The following LHFPL6 variants were observed in gnomAD, a reference collection of about 807,000 sequenced individuals.
The protein encoded by LHFPL6 is LHFPL tetraspan subfamily member 6 protein.
Under a neutral mutation model 20.6 loss-of-function variants are expected in LHFPL6, and 9 were observed. That is an observed-to-expected ratio of 0.44 (90% CI 0.26 to 0.76). The LOEUF is 0.76. Ranked by LOEUF, LHFPL6 falls within the 30% of genes least tolerant of loss-of-function variation. LHFPL6 has a pLI of 0.20. For missense variants in LHFPL6, 218 were observed against 253.5 expected, an observed-to-expected ratio of 0.86 and a Z score of 0.95; for synonymous variants, 105 against 98.7, an observed-to-expected ratio of 1.06 and a Z score of -0.38.
intron 2 of LHFPL6, among the ~76,000 whole-genome samples, chr13:39,435,372 C>A (rs906192667): frequency 6.6e-6 from 1 of 152,064 alleles, no homozygotes; most frequent in Non-Finnish European, 1.5e-5. Context: ...AGCTTTCAAG[C>A]AAATATAAGA....
intron 2 of LHFPL6, among the ~76,000 whole-genome samples, chr13:39,528,721 C>T (rs1870369038): frequency 6.6e-6 from 1 of 152,184 alleles, no homozygotes; most frequent in South Asian, 2.1e-4. Flanking sequence ...ACAATTCTTA[C>T]ACTTGTCACC....
intron 2 of LHFPL6, among the ~76,000 whole-genome samples, chr13:39,488,349 A>C (rs964860352): frequency 6.6e-6 from 1 of 152,198 alleles, no homozygotes; most frequent in African/African-American, 2.4e-5. Flanking sequence ...GTTTAGTAAG[A>C]ATTATAAAAG....
chr13:39,582,258 ATT>A (rs1471723047), intron 2 of LHFPL6, among the ~76,000 whole-genome samples: 1 of 152,224 alleles, frequency 6.6e-6, no homozygotes, highest in African/African-American at 2.4e-5. Context: ...CGTCGACTGC[ATT>A]TCTCATCCCA....
rs1593281790 is a variant in LHFPL6, at chr13:39,352,909, A to ATGTATATATG, written c.485-8856_485-8855insCATATATACA. Among the ~76,000 whole-genome samples the ATGTATATATG allele has an allele frequency of 4.8e-5, 2 of 42,002 alleles. 1 individual carries two copies. The highest frequency in any genetic ancestry group is 9.5e-5 in the Non-Finnish European group (2 of 21,100). 27.6% of individuals were successfully genotyped at this position (42,002 alleles called of 152,430 possible). A position where few individuals can be genotyped will look rare whatever the true frequency, so the allele number is the denominator to read the frequency against. On this transcript the variant is annotated intron_variant, in intron 3 of 3. Transcript: ENST00000379589. The stretch of plus-strand genomic sequence containing the variant: ...TATATATATGTGTATATATATATAA[A>ATGTATATATG]TGTATATATATATAAATGTATATAT...
chr13:39,595,393 A>G (rs1872741929), intron 2 of LHFPL6, among the ~76,000 whole-genome samples: 1 of 152,124 alleles, frequency 6.6e-6, no homozygotes, highest in African/African-American at 2.4e-5. Flanking sequence ...CCTGGGTTCA[A>G]GCGATTCTCA....
chr13:39,369,597 T>TC (rs1555258806), intron 3 of LHFPL6, among the ~76,000 whole-genome samples: 160 of 87,380 alleles, frequency 1.8e-3, no homozygotes, highest in Middle Eastern at 7.5e-3. Flanking sequence ...CTTCCTTCCT[T>TC]CCTCCCTCTC....
chr13:39,517,154 G>A lies in LHFPL6; in HGVS notation c.385+83678C>T, dbSNP rs559138454. 3.3e-5 allele frequency among the ~76,000 whole-genome samples: 5 copies of A among 152,276 alleles called. No homozygotes were observed. The East Asian group carries it at 5.8e-4, about 18-fold the overall frequency. ...GTTTGAAAGAAAAATACTGTGGACC[G>A]TAGGGGGGTAATGAGAACTTCTGAA... is the stretch of plus-strand genomic sequence containing the variant. On this transcript the variant is annotated intron_variant, in intron 2 of 3. Coordinates refer to ENST00000379589, the MANE Select transcript of LHFPL6 (RefSeq NM_005780.3).
intron 3 of LHFPL6, among the ~76,000 whole-genome samples, chr13:39,363,851 A>C (rs1160086463): frequency 6.6e-6 from 1 of 152,208 alleles, no homozygotes; most frequent in South Asian, 2.1e-4. Flanking sequence ...TGGGAAAAAA[A>C]CAAATTTTTC....
At position 39,345,512 on chromosome 13, in the gene LHFPL6, C is replaced by CAAAAAAAA. The variant is rs71077225; in HGVS notation, c.485-1466_485-1459dup. ...TGGGTCAGGGAGCGAGACTCCATCT[C>CAAAAAAAA]AAAAAAAAAAAAAAAAAAAAAAAAA... On this transcript the variant is annotated intron_variant, in intron 3 of 3. Transcript: ENST00000379589. Among the ~76,000 whole-genome samples the CAAAAAAAA allele has an allele frequency of 2.9e-3, 125 of 43,398 alleles. 2 individuals carry two copies. The highest frequency in any genetic ancestry group is 3.9e-3 in the East Asian group (4 of 1,014). The allele number at this position is 43,398 out of a possible 152,430, so 28.5% of individuals were successfully genotyped here. A position where few individuals can be genotyped will look rare whatever the true frequency, so the allele number is the denominator to read the frequency against.
intron 2 of LHFPL6, among the ~76,000 whole-genome samples, chr13:39,473,172 T>G (rs2138438427): frequency 6.6e-6 from 1 of 151,722 alleles, no homozygotes; most frequent in South Asian, 2.1e-4. Flanking sequence ...CATGGAGGCC[T>G]CCTTTTAAGT....
chr13:39,486,466 C>T (rs1868729308), intron 2 of LHFPL6, among the ~76,000 whole-genome samples: 1 of 152,208 alleles, frequency 6.6e-6, no homozygotes, highest in Non-Finnish European at 1.5e-5. Flanking sequence ...TATACATACA[C>T]ACCTATCCCA....
chr13:39,508,150 G>A (rs373438359), intron 2 of LHFPL6, among the ~76,000 whole-genome samples: 4 of 151,472 alleles, frequency 2.6e-5, no homozygotes, highest in Admixed American at 6.6e-5. Flanking sequence ...TCAGCCTCCC[G>A]AGTAGCTGGG....
At chr13:39,421,155 C>T (rs903775562) in intron 2 of LHFPL6, among the ~76,000 whole-genome samples, 1 of 152,048 alleles carries the variant, frequency 6.6e-6, no homozygotes, top group African/African-American at 2.4e-5. Flanking sequence ...CCTGTTATAT[C>T]CCCTAAAAGA....
At chr13:39,524,622 CCT>C (rs752189905) in intron 2 of LHFPL6, among the ~76,000 whole-genome samples, 2 of 152,122 alleles carry the variant, frequency 1.3e-5, no homozygotes, top group Non-Finnish European at 2.9e-5. Flanking sequence ...TTATAAAACC[CCT>C]GTCTTCTTTT....
intron 2 of LHFPL6, among the ~76,000 whole-genome samples, chr13:39,458,467 T>C (rs906772860): frequency 4.0e-5 from 6 of 151,680 alleles, no homozygotes; most frequent in African/African-American, 1.5e-4. Flanking sequence ...GAGGCTGAGG[T>C]GGGTGGATCA....
At chr13:39,384,335 A>G (rs964820489) in intron 2 of LHFPL6, among the ~76,000 whole-genome samples, 1 of 152,232 alleles carries the variant, frequency 6.6e-6, no homozygotes. Context: ...CCTGAAATGT[A>G]GATTTCTGAA....
At chr13:39,399,136 A>C (rs1219117187) in intron 2 of LHFPL6, among the ~76,000 whole-genome samples, 1 of 152,248 alleles carries the variant, frequency 6.6e-6, no homozygotes, top group Non-Finnish European at 1.5e-5. Flanking sequence ...AGACACCATA[A>C]AAGGGGCTTT....
chr13:39,387,701 C>T lies in LHFPL6; in HGVS notation c.386-9175G>A, dbSNP rs372431152. 4.6e-5 allele frequency among the ~76,000 whole-genome samples: 7 copies of T among 152,276 alleles called. No individual in the cohort carries two copies. In the East Asian group the frequency reaches 1.2e-3, roughly 25 times the overall value. On this transcript the variant is annotated intron_variant, in intron 2 of 3. Coordinates refer to ENST00000379589, the MANE Select transcript of LHFPL6 (RefSeq NM_005780.3). Reference sequence around the variant, plus strand: ...CAGGTTGAGCCCTGAGCCAGTGCTCCTAACCCCTCTTCTCCAATGCCTCCC... The same window carrying T: ...CAGGTTGAGCCCTGAGCCAGTGCTCTTAACCCCTCTTCTCCAATGCCTCCC...
At chr13:39,356,607 G>A (rs536418731) in intron 3 of LHFPL6, among the ~76,000 whole-genome samples, 1 of 152,288 alleles carries the variant, frequency 6.6e-6, no homozygotes, top group East Asian at 1.9e-4. Flanking sequence ...GCACATGATA[G>A]ATAGACTGCT....
Sources: gnomAD v4.1 joint callset for allele counts (sites outside exome capture counted in the v4.1 genomes callset) on GRCh38, gnomAD v4.1.1 for gene constraint, MANE v1.5 for transcripts, NCBI Gene and HGNC (gene_info 2026-07-23, HGNC 2026-07-21) for gene names.